SGMS1: variants seen among roughly 807,000 people sequenced by gnomAD.
SGMS1 encodes the protein phosphatidylcholine:ceramide cholinephosphotransferase 1.
Under a neutral mutation model 46.2 loss-of-function variants are expected in SGMS1, and 13 were observed. The ratio of observed to expected loss-of-function variants is 0.28; its 90% CI spans 0.18 to 0.45. The LOEUF is 0.45. Ranked by LOEUF, SGMS1 falls within the 20% of genes least tolerant of loss-of-function variation. The pLI is 1.00. For synonymous variants in SGMS1, 203 were observed against 187.8 expected (o/e 1.08, Z -0.66); for missense variants, 324 against 519.9 (o/e 0.62, Z 3.66).
chr10:50,597,012 T>C (rs1838600989), intron 1 of SGMS1, among the ~76,000 whole-genome samples: 1 of 152,184 alleles, frequency 6.6e-6, no homozygotes, highest in South Asian at 2.1e-4. Context: ...GCACTACTAA[T>C]TCCACAAAGA....
At position 50,428,180 on chromosome 10, in the gene SGMS1, A is replaced by C. The variant is rs571915646; in HGVS notation, c.-232+5296T>G. ...AGTTCCTGTCTGGCTCCTTGCAGATAAGCTGTGGACATGGAGTCCACTCCA... is the reference window on the plus strand; with the variant it reads ...AGTTCCTGTCTGGCTCCTTGCAGATCAGCTGTGGACATGGAGTCCACTCCA... On this transcript the variant is annotated intron_variant, in intron 6 of 10. Coordinates refer to ENST00000361781, the MANE Select transcript of SGMS1 (RefSeq NM_147156.4). Among the ~76,000 whole-genome samples, 6 of 152,256 alleles carry C rather than the reference A, an allele frequency of 3.9e-5. No homozygotes were observed. The East Asian group carries it at 1.2e-3, about 29-fold the overall frequency.
At chr10:50,481,718 C>T (rs1837478682) in intron 3 of SGMS1, among the ~76,000 whole-genome samples, 1 of 152,240 alleles carries the variant, frequency 6.6e-6, no homozygotes, top group South Asian at 2.1e-4. Context: ...GGAGTAATAA[C>T]AAACTTCACT....
intron 5 of SGMS1, among the ~76,000 whole-genome samples, chr10:50,435,252 T>C (rs1240432076): frequency 6.6e-6 from 1 of 152,192 alleles, no homozygotes; most frequent in East Asian, 1.9e-4. Context: ...CATACAATAA[T>C]ACATACCTTG....
chr10:50,454,970 T>C (rs2133672473), intron 5 of SGMS1, among the ~76,000 whole-genome samples: 1 of 152,286 alleles, frequency 6.6e-6, no homozygotes, highest in Admixed American at 6.5e-5. Flanking sequence ...ATATTTGAAA[T>C]ATTGTTTACC....
chr10:50,559,356 C>T (rs1235015379), intron 2 of SGMS1, among the ~76,000 whole-genome samples: 1 of 152,208 alleles, frequency 6.6e-6, no homozygotes, highest in Non-Finnish European at 1.5e-5. Flanking sequence ...TTCCAAATCA[C>T]TTTTGATCAC....
chr10:50,342,200 A>G (rs1847831573), intron 7 of SGMS1: 1 of 152,256 alleles, frequency 6.6e-6, no homozygotes, highest in African/African-American at 2.4e-5. Context: ...AAAGTTTGGC[A>G]GCAAAAATAA....
At chr10:50,549,083 T>C (rs1023869754) in intron 2 of SGMS1, among the ~76,000 whole-genome samples, 2 of 152,206 alleles carry the variant, frequency 1.3e-5, no homozygotes, top group African/African-American at 4.8e-5. Flanking sequence ...GGAACGCTTA[T>C]ATACTGTTGG....
intron 6 of SGMS1, among the ~76,000 whole-genome samples, chr10:50,368,767 T>A (rs1049147442): frequency 1.3e-4 from 20 of 152,230 alleles, no homozygotes; most frequent in South Asian, 2.1e-4. Flanking sequence ...AGAAATTATA[T>A]AAATTATGTA....
intron 2 of SGMS1, among the ~76,000 whole-genome samples, chr10:50,569,240 G>A (rs1838316603): frequency 6.8e-6 from 1 of 147,876 alleles, no homozygotes; most frequent in African/African-American, 2.5e-5. Flanking sequence ...ACCATGGCAC[G>A]TGTATACCTG....
chr10:50,532,060 G>A (rs570706504), intron 2 of SGMS1, among the ~76,000 whole-genome samples: 8 of 152,174 alleles, frequency 5.3e-5, no homozygotes, highest in African/African-American at 1.4e-4. Context: ...TAACACTGAT[G>A]AGAAGAAAAA....
intron 5 of SGMS1, 55 bp downstream of exon 5, chr10:50,460,618 A>T (rs1837252145): frequency 6.6e-6 from 1 of 152,242 alleles, no homozygotes; most frequent in African/African-American, 2.4e-5. Context: ...CACTTGACTG[A>T]GTAGAGCAGA....
intron 4 of SGMS1, among the ~76,000 whole-genome samples, chr10:50,464,725 CG>C (rs1837309526): frequency 6.6e-6 from 1 of 152,204 alleles, no homozygotes; most frequent in African/African-American, 2.4e-5. Flanking sequence ...TGAGCCACTG[CG>C]CCTGGCCCGT....
intron 3 of SGMS1, among the ~76,000 whole-genome samples, chr10:50,481,751 C>G (rs1018934641): frequency 6.6e-6 from 1 of 152,086 alleles, no homozygotes; most frequent in African/African-American, 2.4e-5. Context: ...TATGTTCTAA[C>G]CCAATGCAAA....
chr10:50,440,294 T>TA (rs1177839559), intron 5 of SGMS1, among the ~76,000 whole-genome samples: 4,961 of 150,048 alleles, frequency 0.033, 278 homozygotes, highest in African/African-American at 0.11. Context: ...ATATATATAT[T>TA]TTCTTTTAAA....
chr10:50,563,332 A>T (rs567435200), intron 2 of SGMS1, among the ~76,000 whole-genome samples: 1 of 152,370 alleles, frequency 6.6e-6, no homozygotes, highest in East Asian at 1.9e-4. Context: ...TAGCTACTGA[A>T]ATAACACAAT....
chr10:50,414,644 G>A (rs966964149), intron 6 of SGMS1, among the ~76,000 whole-genome samples: 2 of 152,178 alleles, frequency 1.3e-5, no homozygotes, highest in African/African-American at 4.8e-5. Context: ...TGTATTTTAT[G>A]AATGAAGAAA....
chr10:50,311,451 C>G, intron 8 of SGMS1, 36 bp from the exon 9 acceptor site: 1 of 1,598,902 alleles, frequency 6.3e-7, no homozygotes, highest in East Asian at 2.3e-5. Flanking sequence ...AAAGAAGATT[C>G]ATTACGAGCC....
intron 6 of SGMS1, among the ~76,000 whole-genome samples, chr10:50,381,526 A>G (rs927669108): frequency 6.6e-6 from 1 of 152,198 alleles, no homozygotes; most frequent in Non-Finnish European, 1.5e-5. Flanking sequence ...TTTAGATCCA[A>G]TTGCTTTTGG....
At chr10:50,322,570 C>T (rs1186518988) in intron 8 of SGMS1, among the ~76,000 whole-genome samples, 2 of 152,058 alleles carry the variant, frequency 1.3e-5, no homozygotes, top group African/African-American at 2.4e-5. Flanking sequence ...CGGTGGCTCA[C>T]GCCTGTAATC....
Sources: gnomAD v4.1 joint callset for allele counts (sites outside exome capture counted in the v4.1 genomes callset) on GRCh38, gnomAD v4.1.1 for gene constraint, MANE v1.5 for transcripts, NCBI Gene and HGNC (gene_info 2026-07-23, HGNC 2026-07-21) for gene names.